The following VAMP4 variants were observed in gnomAD, a reference collection of about 807,000 sequenced individuals.
VAMP4 encodes vesicle associated membrane protein 4.
VAMP4 carries 19 observed loss-of-function variants against 23.5 expected under a neutral mutation model. The observed-to-expected ratio is 0.81, with a 90% CI of 0.56 to 1.19. The LOEUF is 1.19. Among genes scored for constraint, VAMP4 ranks in the 50% most tolerant of loss-of-function variants. The pLI is 0.00. For synonymous variants in VAMP4, 31 were observed against 51.0 expected (o/e 0.61, Z 1.67); for missense variants, 145 against 168.6 (o/e 0.86, Z 0.78).
Position 171,704,352 on chromosome 1 carries a change from A to G in VAMP4, c.*154T>C. The G allele has an allele frequency of 2.2e-6, 1 of 448,076 alleles. No homozygotes were observed. Among genetic ancestry groups the G allele is most frequent in the Non-Finnish European group, 3.9e-6 (1 of 257,750 alleles). 27.8% of individuals were successfully genotyped at this position (448,076 alleles called of 1,614,324 possible). On this transcript the variant is annotated 3_prime_UTR_variant, in exon 8 of 8. Coordinates refer to ENST00000236192, the MANE Select transcript of VAMP4 (RefSeq NM_003762.5). Reference sequence around the variant, plus strand: ...TGTTAGAAAGGGAGAAGATAATTGGACATTCTCAACGTTCCAATTTGAAGT... The same window carrying G: ...TGTTAGAAAGGGAGAAGATAATTGGGCATTCTCAACGTTCCAATTTGAAGT...
intron 3 of VAMP4, among the ~76,000 whole-genome samples, chr1:171,728,170 C>A (rs1036462065): frequency 3.5e-4 from 54 of 152,326 alleles, no homozygotes; most frequent in African/African-American, 1.3e-3. Flanking sequence ...TGAAACCTCA[C>A]ATTGCCCCGC....
At chr1:171,716,148 C>T (rs1271208034) in intron 4 of VAMP4, among the ~76,000 whole-genome samples, 7 of 152,152 alleles carry the variant, frequency 4.6e-5, no homozygotes, top group African/African-American at 1.7e-4. Flanking sequence ...TGCTGTTACA[C>T]CATGGAACAT....
rs1041451573 is a variant in VAMP4 at position 171,701,248 on chromosome 1, A to G, written c.*3258T>C. The G allele has an allele frequency of 6.6e-6, 1 of 152,216 alleles. No homozygotes were observed. Among genetic ancestry groups the G allele is most frequent in the Non-Finnish European group, 1.5e-5 (1 of 68,030 alleles). 9.4% of individuals were successfully genotyped at this position (152,216 alleles called of 1,614,324 possible). On this transcript the variant is annotated 3_prime_UTR_variant, in exon 8 of 8. Transcript: ENST00000236192. ...GGAGTCCAATCACATTTCCATGTGAAAACACAAAATTAGGTTAACAGAACA... is the reference window on the plus strand; with the variant it reads ...GGAGTCCAATCACATTTCCATGTGAGAACACAAAATTAGGTTAACAGAACA...
chr1:171,719,695 T>G (rs1460699826), intron 3 of VAMP4, among the ~76,000 whole-genome samples: 2 of 152,064 alleles, frequency 1.3e-5, no homozygotes, highest in African/African-American at 2.4e-5. Context: ...AAAAATTCAT[T>G]GAAGACACTA....
intron 3 of VAMP4, among the ~76,000 whole-genome samples, chr1:171,719,746 T>A (rs139448946): frequency 1.3e-5 from 2 of 152,130 alleles, no homozygotes; most frequent in East Asian, 3.9e-4. Context: ...CTTAAACTTA[T>A]CAACATAGCA....
rs1553258233 is a variant in VAMP4 at position 171,703,419 on chromosome 1, T to TGTGTGTGTG, written c.*1086_*1087insCACACACAC. 1.8e-4 allele frequency: 16 copies of TGTGTGTGTG among 87,940 alleles called. 1 individual carries two copies. The highest frequency in any genetic ancestry group is 8.0e-4 in the East Asian group (2 of 2,498). The allele number at this position is 87,940 out of a possible 1,614,324, so 5.4% of individuals were successfully genotyped here. A position where few individuals can be genotyped will look rare whatever the true frequency, so the allele number is the denominator to read the frequency against. On this transcript the variant is annotated 3_prime_UTR_variant, in exon 8 of 8. Coordinates refer to ENST00000236192, the MANE Select transcript of VAMP4 (RefSeq NM_003762.5). ...TGTGTGTGTGTGTGTGTGTGTGTGT[T>TGTGTGTGTG]TGTGTGTATATATATATATATATAT...
At chr1:171,706,768 A>G (rs985390943) in intron 6 of VAMP4, among the ~76,000 whole-genome samples, 4 of 152,208 alleles carry the variant, frequency 2.6e-5, no homozygotes, top group Non-Finnish European at 5.9e-5. Flanking sequence ...ATATCTTGAC[A>G]CTTGAACAGA....
rs151251871 is a variant in VAMP4 at position 171,735,917 on chromosome 1, C to G, written c.66+2432G>C. 3.5e-3 allele frequency among the ~76,000 whole-genome samples: 526 copies of G among 152,000 alleles called. 10 individuals are homozygous for G. The highest frequency in any genetic ancestry group is 0.03 in the Admixed American group (451 of 15,270). On this transcript the variant is annotated intron_variant, in intron 2 of 7. Transcript: ENST00000236192. ...TTTTTTTCTTTCTGAGATGGAATTT[C>G]ACTCTGTCACCCAAGCTGGAGTGCA...
intron 4 of VAMP4, among the ~76,000 whole-genome samples, chr1:171,711,560 A>C (rs781480086): frequency 6.6e-6 from 1 of 152,132 alleles, no homozygotes; most frequent in Non-Finnish European, 1.5e-5. Context: ...ACTTAACCTA[A>C]ACTTAAAATT....
At chr1:171,719,268 A>G (rs1655114503) in intron 3 of VAMP4, 47 bp from the exon 4 acceptor site, 1 of 1,480,144 alleles carries the variant, frequency 6.8e-7, no homozygotes, top group African/African-American at 1.4e-5. Flanking sequence ...GACAGGATTA[A>G]AACAAAACAA....
chr1:171,713,749 C>T (rs971884599), intron 4 of VAMP4, among the ~76,000 whole-genome samples: 8 of 152,050 alleles, frequency 5.3e-5, no homozygotes, highest in African/African-American at 1.7e-4. Context: ...TGGGAGATTT[C>T]CTTGAGCCCA....
chr1:171,724,255 T>C, intron 3 of VAMP4, among the ~76,000 whole-genome samples: 1 of 141,596 alleles, frequency 7.1e-6, no homozygotes, highest in East Asian at 2.1e-4. Flanking sequence ...TTCTCACTCA[T>C]AGGTGGGAAC....
chr1:171,723,222 C>T (rs1253682828), intron 3 of VAMP4, among the ~76,000 whole-genome samples: 1 of 152,152 alleles, frequency 6.6e-6, no homozygotes, highest in East Asian at 1.9e-4. Flanking sequence ...AGCAAGATCA[C>T]ACGACTGGGG....
In VAMP4 at chr1:171,728,113, TAAAC is replaced by T. The variant is rs1260196288; in HGVS notation, c.113+407_113+410del. Among the ~76,000 whole-genome samples, 9 of 152,214 alleles carry T rather than the reference TAAAC, an allele frequency of 5.9e-5. No individual in the cohort carries two copies. In the East Asian group the frequency reaches 1.3e-3, roughly 23 times the overall value. On this transcript the variant is annotated intron_variant, in intron 3 of 7. Coordinates refer to ENST00000236192, the MANE Select transcript of VAMP4 (RefSeq NM_003762.5). Reference sequence around the variant, plus strand: ...AATATTAAATGGAAAATTCCAGAAATAAACAATTCATAAGTTTTAAATTGTGCAC... The same window carrying T: ...AATATTAAATGGAAAATTCCAGAAATAATTCATAAGTTTTAAATTGTGCAC...
chr1:171,704,429 A>G lies in VAMP4; in HGVS notation c.*77T>C, dbSNP rs1366250792. 7.6e-7 allele frequency: 1 copy of G among 1,320,396 alleles called. No homozygotes were observed. The highest frequency in any genetic ancestry group is 1.0e-6 in the Non-Finnish European group (1 of 973,844). 81.8% of individuals were successfully genotyped at this position (1,320,396 alleles called of 1,614,324 possible). On this transcript the variant is annotated 3_prime_UTR_variant, in exon 8 of 8. Coordinates refer to ENST00000236192, the MANE Select transcript of VAMP4 (RefSeq NM_003762.5). The stretch of plus-strand genomic sequence containing the variant: ...AAGAAGTTTTGAAAGTTATATACAC[A>G]TAGGTTTCATTTAAATTATGCAGCA...
intron 2 of VAMP4, among the ~76,000 whole-genome samples, chr1:171,731,004 A>G (rs996576205): frequency 1.3e-5 from 2 of 151,686 alleles, no homozygotes; most frequent in Non-Finnish European, 2.9e-5. Flanking sequence ...GGAGATCGAG[A>G]CCATCCTGGC....
chr1:171,729,132 G>C (rs1655478006), intron 2 of VAMP4, among the ~76,000 whole-genome samples: 1 of 152,148 alleles, frequency 6.6e-6, no homozygotes, highest in South Asian at 2.1e-4. Flanking sequence ...CTTAAAATGA[G>C]GACAGTCTCA....
intron 4 of VAMP4, among the ~76,000 whole-genome samples, chr1:171,715,890 TACTC>T (rs1025732555): frequency 1.3e-5 from 2 of 152,066 alleles, no homozygotes; most frequent in African/African-American, 4.8e-5. Flanking sequence ...AGTTTCCAGT[TACTC>T]AGGAGCTGAG....
intron 4 of VAMP4, among the ~76,000 whole-genome samples, chr1:171,711,259 C>T (rs1654840180): frequency 6.6e-6 from 1 of 152,082 alleles, no homozygotes; most frequent in South Asian, 2.1e-4. Flanking sequence ...TACTTTTTAA[C>T]ATACCTTTTG....
Sources: gnomAD v4.1 joint callset for allele counts (sites outside exome capture counted in the v4.1 genomes callset) on GRCh38, gnomAD v4.1.1 for gene constraint, MANE v1.5 for transcripts, NCBI Gene and HGNC (gene_info 2026-07-23, HGNC 2026-07-21) for gene names.